The following NEK7 variants were observed in gnomAD, a reference collection of about 807,000 sequenced individuals.
NEK7 encodes serine/threonine-protein kinase Nek7.
NEK7 carries 18 observed loss-of-function variants against 44.6 expected under a neutral mutation model. The observed-to-expected ratio is 0.40, with a 90% CI of 0.28 to 0.60. NEK7 has a LOEUF of 0.60. NEK7 is among the 20% of genes least tolerant of loss of function. The probability of loss-of-function intolerance (pLI) is 0.38; values close to 1 mark genes in which losing one functional copy is unlikely to be tolerated. For synonymous variants in NEK7, 130 were observed against 121.1 expected, an observed-to-expected ratio of 1.07 and a Z score of -0.48; for missense variants, 256 against 366.5, an observed-to-expected ratio of 0.70 and a Z score of 2.46.
chr1:198,258,401 T>C (rs1653346570), intron 3 of NEK7, among the ~76,000 whole-genome samples: 1 of 152,158 alleles, frequency 6.6e-6, no homozygotes, highest in Non-Finnish European at 1.5e-5. Context: ...ATCACGCCAC[T>C]GCACTCCAGC....
chr1:198,209,700 T>G (rs1665708217), intron 1 of NEK7, among the ~76,000 whole-genome samples: 1 of 152,156 alleles, frequency 6.6e-6, no homozygotes, highest in Non-Finnish European at 1.5e-5. Context: ...GGAGTCTCGC[T>G]ATGTTGCCCA....
chr1:198,230,663 C>G (rs1277839978), intron 1 of NEK7, among the ~76,000 whole-genome samples: 1 of 151,922 alleles, frequency 6.6e-6, no homozygotes, highest in Non-Finnish European at 1.5e-5. Flanking sequence ...ACTGGATGTT[C>G]TATCTATTGT....
intron 9 of NEK7, among the ~76,000 whole-genome samples, chr1:198,306,474 C>T (rs2103027584): frequency 6.6e-6 from 1 of 152,236 alleles, no homozygotes; most frequent in South Asian, 2.1e-4. Flanking sequence ...TTTTTCTCTT[C>T]TTCTAATTAA....
At chr1:198,226,544 CAAAAA>C (rs529152066) in intron 1 of NEK7, among the ~76,000 whole-genome samples, 2 of 128,228 alleles carry the variant, frequency 1.6e-5, no homozygotes, top group South Asian at 4.9e-4. Flanking sequence ...TATTGCGTCT[CAAAAA>C]AAAAAAAACC....
At chr1:198,308,724 T>G (rs1255514693) in intron 9 of NEK7, among the ~76,000 whole-genome samples, 2 of 152,202 alleles carry the variant, frequency 1.3e-5, no homozygotes, top group Non-Finnish European at 2.9e-5. Context: ...TGACCTCAGC[T>G]TATCATTTCA....
At chr1:198,247,429 G>C (rs1392221399) in intron 2 of NEK7, among the ~76,000 whole-genome samples, 1 of 152,142 alleles carries the variant, frequency 6.6e-6, no homozygotes, top group Non-Finnish European at 1.5e-5. Flanking sequence ...TTGGTTTGAT[G>C]ACATCTACAT....
intron 1 of NEK7, among the ~76,000 whole-genome samples, chr1:198,173,070 A>G (rs1664499702): frequency 6.6e-6 from 1 of 152,160 alleles, no homozygotes; most frequent in African/African-American, 2.4e-5. Flanking sequence ...AGAGACTGAT[A>G]TATAGCAGCA....
rs761936296 is a variant in NEK7 at position 198,271,902 on chromosome 1, A to ATT, written c.373-6056_373-6055dup. ...ATATATATATAAATTAAAAATTTATATTTTATATATATATATATATATACA... is the reference window on the plus strand; with the variant it reads ...ATATATATATAAATTAAAAATTTATATTTTTTATATATATATATATATATACA... On this transcript the variant is annotated intron_variant, in intron 5 of 9. Transcript: ENST00000367385. Among the ~76,000 whole-genome samples the ATT allele has an allele frequency of 5.2e-3, 630 of 121,116 alleles. 2 individuals carry two copies. The highest frequency in any genetic ancestry group is 0.018 in the African/African-American group (555 of 30,280). 79.5% of individuals were successfully genotyped at this position (121,116 alleles called of 152,430 possible).
intron 8 of NEK7, among the ~76,000 whole-genome samples, chr1:198,294,322 T>C (rs530029150): frequency 2.6e-5 from 4 of 152,188 alleles, no homozygotes; most frequent in Non-Finnish European, 4.4e-5. Context: ...TTATATTTTG[T>C]TAATAATTTG....
Position 198,205,266 on chromosome 1 carries a change from T to C in NEK7, c.-28-27287T>C, listed in dbSNP as rs897057185. Among the ~76,000 whole-genome samples the C allele has an allele frequency of 2.0e-5, 3 of 152,272 alleles. No homozygotes were observed. The East Asian group carries it at 5.8e-4, about 29-fold the overall frequency. On this transcript the variant is annotated intron_variant, in intron 1 of 9. Coordinates refer to ENST00000367385, the MANE Select transcript of NEK7 (RefSeq NM_133494.3). ...AGTGCGCATCACTTTCAATGATACA[T>C]CTGGATGCAAAGAACTAAACTGAAA... is the stretch of plus-strand genomic sequence containing the variant.
At chr1:198,253,493 C>T (rs1314071289) in intron 3 of NEK7, among the ~76,000 whole-genome samples, 2 of 152,112 alleles carry the variant, frequency 1.3e-5, no homozygotes, top group Admixed American at 1.3e-4. Flanking sequence ...GTTGAATACT[C>T]ACTGAAGTTC....
chr1:198,263,532 G>A (rs1045620395), intron 4 of NEK7, among the ~76,000 whole-genome samples: 2 of 151,918 alleles, frequency 1.3e-5, no homozygotes, highest in East Asian at 3.9e-4. Flanking sequence ...CAAAAGGATT[G>A]CAAATGAGTA....
intron 2 of NEK7, among the ~76,000 whole-genome samples, chr1:198,233,844 A>G (rs1300588605): frequency 6.8e-6 from 1 of 146,526 alleles, no homozygotes; most frequent in Non-Finnish European, 1.5e-5. Flanking sequence ...TGCTTGTATG[A>G]CTTTGCTGAT....
intron 9 of NEK7, among the ~76,000 whole-genome samples, chr1:198,315,087 C>T (rs928571596): frequency 1.3e-5 from 2 of 152,198 alleles, no homozygotes; most frequent in African/African-American, 2.4e-5. Flanking sequence ...ATCAGGGAGA[C>T]TCCATGGGCG....
At chr1:198,270,406 G>A (rs1653798806) in intron 5 of NEK7, among the ~76,000 whole-genome samples, 1 of 151,952 alleles carries the variant, frequency 6.6e-6, no homozygotes, top group African/African-American at 2.4e-5. Context: ...AAACTCAGAG[G>A]TTTGTTATCT....
chr1:198,202,879 A>T (rs4415603), intron 1 of NEK7, among the ~76,000 whole-genome samples: 78,017 of 151,880 alleles, frequency 0.51, 23,374 homozygotes, highest in East Asian at 0.89. Flanking sequence ...AGCCAAACCA[A>T]ATAACTCTCC....
intron 1 of NEK7, among the ~76,000 whole-genome samples, chr1:198,167,389 G>A (rs1029023439): frequency 3.3e-5 from 5 of 152,050 alleles, no homozygotes; most frequent in African/African-American, 7.2e-5. Flanking sequence ...AAGATTGTGC[G>A]GAGGTTGTGT....
intron 1 of NEK7, among the ~76,000 whole-genome samples, chr1:198,214,363 A>G (rs1190114713): frequency 6.6e-6 from 1 of 152,210 alleles, no homozygotes; most frequent in African/African-American, 2.4e-5. Context: ...AAAGAATTCA[A>G]AAAGTTGATT....
At chr1:198,274,135 T>C (rs1336047240) in intron 5 of NEK7, among the ~76,000 whole-genome samples, 1 of 119,612 alleles carries the variant, frequency 8.4e-6, no homozygotes, top group Non-Finnish European at 1.7e-5. Context: ...TTGGAAGAAA[T>C]GGAGAGCAGC....
Sources: allele counts gnomAD v4.1 joint callset (sites outside exome capture counted in the v4.1 genomes callset), GRCh38; gene constraint gnomAD v4.1.1; transcripts MANE v1.5; gene names NCBI Gene and HGNC (gene_info 2026-07-23, HGNC 2026-07-21).